Variants in SPECC1 observed in about 807,000 individuals in gnomAD.
The protein encoded by SPECC1 is sperm antigen with calponin homology and coiled-coil domains 1.
SPECC1 carries 62 observed loss-of-function variants against 104.1 expected under a neutral mutation model. That is an observed-to-expected ratio of 0.60 (90% CI 0.49 to 0.74). The LOEUF (loss-of-function observed/expected upper bound fraction) is 0.74. Among genes scored for constraint, SPECC1 ranks in the 30% least tolerant of loss-of-function variants. SPECC1 has a pLI of 0.00. For missense variants in SPECC1, 1,306 were observed against 1,310.5 expected (o/e 1.00, Z 0.05); for synonymous variants, 513 against 501.6 (o/e 1.02, Z -0.30).
intron 12 of SPECC1, among the ~76,000 whole-genome samples, chr17:20,277,880 A>G (rs2040626803): frequency 1.3e-5 from 2 of 152,190 alleles, no homozygotes; most frequent in South Asian, 4.1e-4. Context: ...CCTCAGGCCC[A>G]CTTATGTTGT....
chr17:20,074,321 A>G (rs1324307839), intron 1 of SPECC1, among the ~76,000 whole-genome samples: 2 of 152,200 alleles, frequency 1.3e-5, no homozygotes, highest in African/African-American at 2.4e-5. Flanking sequence ...TGAAGCCCAG[A>G]TGGCAGAGTT....
At chr17:20,287,739 T>A (rs1244655833) in intron 12 of SPECC1, among the ~76,000 whole-genome samples, 1 of 146,056 alleles carries the variant, frequency 6.8e-6, no homozygotes, top group African/African-American at 2.7e-5. Flanking sequence ...AAGGCCTAAG[T>A]ACACATAGCT....
At chr17:20,168,003 T>C (rs1201467227) in intron 3 of SPECC1, among the ~76,000 whole-genome samples, 1 of 152,144 alleles carries the variant, frequency 6.6e-6, no homozygotes, top group African/African-American at 2.4e-5. Flanking sequence ...ATAAGACAGC[T>C]GAATGCAAAT....
intron 12 of SPECC1, among the ~76,000 whole-genome samples, chr17:20,283,244 G>A (rs921050066): frequency 6.6e-6 from 1 of 152,140 alleles, no homozygotes; most frequent in African/African-American, 2.4e-5. Flanking sequence ...GAAATGGAAA[G>A]GCATTCCAAG....
intron 1 of SPECC1, among the ~76,000 whole-genome samples, chr17:20,048,654 C>T (rs1294986340): frequency 1.3e-5 from 2 of 152,006 alleles, no homozygotes; most frequent in African/African-American, 2.4e-5. Context: ...CGCCTGTAAT[C>T]CCAGCACTTT....
intron 4 of SPECC1, among the ~76,000 whole-genome samples, chr17:20,222,016 G>GTTTTTTTT (rs34220423): frequency 2.1e-5 from 3 of 140,504 alleles, no homozygotes; most frequent in Non-Finnish European, 4.6e-5. Context: ...TATGATTTCA[G>GTTTTTTTT]TTTTTTTTTT....
intron 3 of SPECC1, among the ~76,000 whole-genome samples, chr17:20,191,619 G>T (rs946507414): frequency 1.3e-5 from 2 of 151,580 alleles, no homozygotes; most frequent in African/African-American, 2.4e-5. Flanking sequence ...TCTACATTAG[G>T]TATTTCTCCT....
chr17:20,067,850 C>T (rs1440166270), intron 1 of SPECC1, among the ~76,000 whole-genome samples: 1 of 152,162 alleles, frequency 6.6e-6, no homozygotes, highest in African/African-American at 2.4e-5. Flanking sequence ...AAACCCAGGG[C>T]AGTTACCACC....
chr17:20,043,568 C>T (rs192390137), intron 1 of SPECC1, among the ~76,000 whole-genome samples: 14 of 152,162 alleles, frequency 9.2e-5, no homozygotes, highest in East Asian at 7.7e-4. Flanking sequence ...AATTGTTCCA[C>T]GCGGGGCAAA....
At chr17:20,234,060 C>G (rs1445264772) in intron 7 of SPECC1, among the ~76,000 whole-genome samples, 1 of 152,154 alleles carries the variant, frequency 6.6e-6, no homozygotes, top group Admixed American at 6.5e-5. Flanking sequence ...GAGACACAGG[C>G]CAGACCATGC....
chr17:20,021,224 A>G (rs2044362218), intron 1 of SPECC1, among the ~76,000 whole-genome samples: 1 of 152,078 alleles, frequency 6.6e-6, no homozygotes, highest in Admixed American at 6.6e-5. Context: ...AGTGGAAGAA[A>G]ATCCACATGT....
chr17:20,298,978 G>GTGTGTGTGTGT (rs747414391), intron 13 of SPECC1, among the ~76,000 whole-genome samples: 786 of 29,384 alleles, frequency 0.027, 36 homozygotes, highest in African/African-American at 0.13. Flanking sequence ...TGTGTATGTA[G>GTGTGTGTGTGT]AGAGAGAGAG....
chr17:20,161,200 G>T (rs1407909707), intron 3 of SPECC1, among the ~76,000 whole-genome samples: 1 of 152,150 alleles, frequency 6.6e-6, no homozygotes, highest in Admixed American at 6.6e-5. Flanking sequence ...GACAGAGTAA[G>T]AGTGTCTCAA....
intron 1 of SPECC1, among the ~76,000 whole-genome samples, chr17:20,027,108 C>T (rs1343898196): frequency 4.6e-5 from 7 of 152,056 alleles, no homozygotes; most frequent in Non-Finnish European, 1.0e-4. Flanking sequence ...CCAAAACAAA[C>T]TTGAAAAACA....
chr17:20,064,671 A>G (rs2046303163), intron 1 of SPECC1, among the ~76,000 whole-genome samples: 2 of 152,174 alleles, frequency 1.3e-5, no homozygotes, highest in African/African-American at 4.8e-5. Context: ...ATTGTTCTTA[A>G]AACTGAAAAT....
intron 7 of SPECC1, among the ~76,000 whole-genome samples, chr17:20,233,900 G>A (rs552603668): frequency 3.3e-5 from 5 of 152,302 alleles, no homozygotes; most frequent in South Asian, 4.1e-4. Flanking sequence ...TCACATGTAC[G>A]TTATTTTAAT....
Position 20,079,003 on chromosome 17 carries a change from C to T in SPECC1, c.-21-17628C>T, listed in dbSNP as rs866592894. Among the ~76,000 whole-genome samples, 11 of 152,314 alleles carry T rather than the reference C, an allele frequency of 7.2e-5. No individual in the cohort carries two copies. In the Middle Eastern group the frequency reaches 0.017, roughly 235 times the overall value. On this transcript the variant is annotated intron_variant, in intron 1 of 14. Transcript: ENST00000395527. ...AAGATTCTTGGGAGCAGGATGCTAGCTGTAGAAGCTCAAGGTTGGGAAAGT... is the reference window on the plus strand; with the variant it reads ...AAGATTCTTGGGAGCAGGATGCTAGTTGTAGAAGCTCAAGGTTGGGAAAGT...
intron 4 of SPECC1, among the ~76,000 whole-genome samples, chr17:20,223,640 T>C (rs1195426877): frequency 6.6e-6 from 1 of 151,400 alleles, no homozygotes; most frequent in Non-Finnish European, 1.5e-5. Context: ...ACCACTGCAC[T>C]CCAGCCTGGG....
intron 3 of SPECC1, among the ~76,000 whole-genome samples, chr17:20,201,160 G>A (rs1405228712): frequency 6.6e-6 from 1 of 151,846 alleles, no homozygotes; most frequent in Non-Finnish European, 1.5e-5. Flanking sequence ...AACAATTGAA[G>A]GTTTAAAAAA....
Sources: gnomAD v4.1 joint callset for allele counts (sites outside exome capture counted in the v4.1 genomes callset) on GRCh38, gnomAD v4.1.1 for gene constraint, MANE v1.5 for transcripts, NCBI Gene and HGNC (gene_info 2026-07-23, HGNC 2026-07-21) for gene names.